Variants in CACNA1H observed in about 807,000 individuals in gnomAD.
The protein encoded by CACNA1H is calcium voltage-gated channel subunit alpha1 H.
Under a neutral mutation model 192.5 loss-of-function variants are expected in CACNA1H, and 149 were observed. The observed-to-expected ratio is 0.77, with a 90% CI of 0.68 to 0.89. The LOEUF is 0.89. Ranked by LOEUF, CACNA1H falls within the 40% of genes least tolerant of loss-of-function variation. CACNA1H has a pLI of 0.00. For synonymous variants in CACNA1H, 2,202 were observed against 1,475.2 expected, an observed-to-expected ratio of 1.49 and a Z score of -11.29; for missense variants, 4,257 against 3,423.5, an observed-to-expected ratio of 1.24 and a Z score of -6.08.
chr16:1,215,512 C>T lies in CACNA1H; in HGVS notation c.5174-11C>T. ...CGCCCAGCCCTGCTGACGCTCAGCT[C>T]CCGGCCCTAGTGCTGAAGCTGCTGA... On this transcript the variant is annotated splice_polypyrimidine_tract_variant and intron_variant, in intron 29 of 34. Coordinates refer to ENST00000348261, the MANE Select transcript of CACNA1H (RefSeq NM_021098.3). 3 of 1,610,414 alleles carry T rather than the reference C, an allele frequency of 1.9e-6. No individual in the cohort carries two copies. Among genetic ancestry groups the T allele is most frequent in the East Asian group, 2.2e-5 (1 of 44,818 alleles).
At chr16:1,209,004 C>T (rs1368271582) in intron 16 of CACNA1H, 28 bp from the exon 17 acceptor site, 3 of 1,471,454 alleles carry the variant, frequency 2.0e-6, no homozygotes, top group South Asian at 2.9e-5. Flanking sequence ...GTGATGCCAC[C>T]AGGTCACTGA....
At chr16:1,209,582 G>C (rs946628968) in intron 17 of CACNA1H, 170 bp downstream of exon 17, 4 of 781,064 alleles carry the variant, frequency 5.1e-6, no homozygotes, top group Non-Finnish European at 8.0e-6. Context: ...CAGGGATTCA[G>C]CCACAGATGA....
At chr16:1,214,442 C>G (rs894535395) in intron 27 of CACNA1H, among the ~76,000 whole-genome samples, 12 of 152,172 alleles carry the variant, frequency 7.9e-5, no homozygotes, top group African/African-American at 2.9e-4. Context: ...AGGCCAGGAG[C>G]CTGGGCTGGG....
intron 2 of CACNA1H, among the ~76,000 whole-genome samples, chr16:1,181,167 G>A (rs1229710979): frequency 6.6e-6 from 1 of 152,244 alleles, no homozygotes; most frequent in Non-Finnish European, 1.5e-5. Context: ...GTCCCCTCCT[G>A]GCTGGGTTTC....
chr16:1,175,467 G>C (rs1051935201), intron 2 of CACNA1H, among the ~76,000 whole-genome samples: 1 of 152,106 alleles, frequency 6.6e-6, no homozygotes, highest in East Asian at 1.9e-4. Flanking sequence ...CGCTCCTGCT[G>C]GGCCCTGGCC....
Position 1,200,779 on chromosome 16 carries a change from A to T in CACNA1H, c.1183A>T (p.Asn395Tyr). 1 of 1,553,450 alleles carries T rather than the reference A, an allele frequency of 6.4e-7. No individual in the cohort carries two copies. The highest frequency in any genetic ancestry group is 8.7e-7 in the Non-Finnish European group (1 of 1,148,260). The change falls in exon 8 of 35, where the codon AAC (asparagine) becomes TAC (tyrosine). Residue 395 changes from asparagine (N) to tyrosine (Y), a missense_variant. Asn to Tyr is a moderately radical substitution (Grantham distance 143). Transcript: ENST00000348261. ...YYVMDAHSFY[N>Y]FIYFILLIIV... ...CGTCATGGACGCCCACTCATTCTAC[A>T]ACTTCATCTATTTCATCCTGCTCAT...
In CACNA1H at chr16:1,200,452, C is replaced by A; in HGVS notation, c.1000C>A (p.Arg334Ser). 9 of 1,611,570 alleles carry A rather than the reference C, an allele frequency of 5.6e-6. No homozygotes were observed. The highest frequency in any genetic ancestry group is 7.6e-6 in the Non-Finnish European group (9 of 1,179,614). ...GCAGGCCGAGGGGGTGGGCGCTGCA[C>A]GCAACGCCTGCATCAACTGGAACCA... ...QPQAEGVGAA[R>S]NACINWNQYY... Residue 334 changes from arginine to serine, a missense_variant, in exon 7 of 35, where the codon CGC becomes AGC. Arg to Ser is a moderately radical substitution (Grantham distance 110). Transcript: ENST00000348261.
chr16:1,188,290 G>A (rs773363511), intron 2 of CACNA1H, among the ~76,000 whole-genome samples: 8 of 152,162 alleles, frequency 5.3e-5, no homozygotes, highest in Non-Finnish European at 1.2e-4. Context: ...ACCACCCTTT[G>A]GGCCACGCTG....
chr16:1,208,569 TCCC>T (rs1263000677), intron 16 of CACNA1H, among the ~76,000 whole-genome samples: 1 of 152,154 alleles, frequency 6.6e-6, no homozygotes, highest in Non-Finnish European at 1.5e-5. Flanking sequence ...GCAGCCCGAT[TCCC>T]TTTACGGCCA....
Position 1,210,961 on chromosome 16 carries a change from C to A in CACNA1H, c.4213C>A (p.Arg1405=). ...CGTGCTGCGTCTGCTGCGGACCCTG[C>A]GGCCTCTGAGGTGGGGGGCTCCCCG... The part of the protein sequence containing the change: ...LRVLRLLRTL[R]PLRVISRAPG... The change falls in exon 21 of 35, where the codon CGG becomes AGG. Residue 1405 remains arginine, a synonymous_variant. Transcript: ENST00000348261. 6.3e-7 allele frequency: 1 copy of A among 1,596,154 alleles called. No individual in the cohort carries two copies.
At chr16:1,190,794 G>A (rs896345950) in intron 2 of CACNA1H, among the ~76,000 whole-genome samples, 1 of 152,236 alleles carries the variant, frequency 6.6e-6, no homozygotes, top group African/African-American at 2.4e-5. Flanking sequence ...GAGGATCTAC[G>A]ATGGGTAGGG....
At chr16:1,169,382 C>T (rs574469762) in intron 2 of CACNA1H, among the ~76,000 whole-genome samples, 4 of 152,324 alleles carry the variant, frequency 2.6e-5, no homozygotes, top group African/African-American at 9.6e-5. Context: ...ACACAGGTGT[C>T]GTGGACTGGG....
intron 2 of CACNA1H, among the ~76,000 whole-genome samples, chr16:1,188,223 C>G (rs1966259418): frequency 6.6e-6 from 1 of 152,174 alleles, no homozygotes; most frequent in Admixed American, 6.5e-5. Context: ...CTGGGCGGTC[C>G]TGGGAGCTGA....
At position 1,167,812 on chromosome 16, in the gene CACNA1H, TAGAA is replaced by T. The variant is rs1176649990; in HGVS notation, c.299+13779_299+13782del. On this transcript the variant is annotated intron_variant, in intron 2 of 34. Coordinates refer to ENST00000348261, the MANE Select transcript of CACNA1H (RefSeq NM_021098.3). The surrounding 1 kb of genome is among the most constrained non-coding windows in gnomAD (Gnocchi z 4.2). ...TGGAGCTGTGGCGCTGGTGTGTGCT[TAGAA>T]AGTGCACCTGCGAGGTTGGGGCGTG... Among the ~76,000 whole-genome samples the T allele has an allele frequency of 1.3e-5, 2 of 152,012 alleles. No individual in the cohort carries two copies. Among genetic ancestry groups the T allele is most frequent in the Non-Finnish European group, 2.9e-5 (2 of 67,992 alleles).
intron 3 of CACNA1H, 127 bp from the exon 4 acceptor site, chr16:1,195,305 C>A (rs2141196160): frequency 3.0e-6 from 3 of 1,010,998 alleles, no homozygotes; most frequent in Admixed American, 3.4e-5. Flanking sequence ...TCCTGGGGCT[C>A]AGGGCGGGGC....
chr16:1,198,388 A>G lies in CACNA1H; in HGVS notation c.644-227A>G, dbSNP rs1967253141. 2.0e-5 allele frequency among the ~76,000 whole-genome samples: 3 copies of G among 152,284 alleles called. No homozygotes were observed. The South Asian group carries it at 6.2e-4, about 32-fold the overall frequency. ...CCTGGCGCCCCGCTGGATGCACGTC[A>G]GACCCCAGGGTGTCAGTGTCCCTGG... On this transcript the variant is annotated intron_variant, in intron 5 of 34. Transcript: ENST00000348261.
At chr16:1,186,826 G>A (rs1290301768) in intron 2 of CACNA1H, among the ~76,000 whole-genome samples, 1 of 152,210 alleles carries the variant, frequency 6.6e-6, no homozygotes, top group Non-Finnish European at 1.5e-5. Context: ...TCTCAGGGCC[G>A]TGACCACCAC....
At chr16:1,215,940 C>T (rs890551120) in intron 30 of CACNA1H, among the ~76,000 whole-genome samples, 2 of 152,032 alleles carry the variant, frequency 1.3e-5, no homozygotes, top group African/African-American at 4.8e-5. Context: ...AGGATGCAGG[C>T]GTCGGCTGCG....
At chr16:1,179,378 C>G (rs1006350752) in intron 2 of CACNA1H, among the ~76,000 whole-genome samples, 1 of 152,146 alleles carries the variant, frequency 6.6e-6, no homozygotes, top group African/African-American at 2.4e-5. Flanking sequence ...ATGGACTCTC[C>G]TGCCCCCGCG....
Sources: gnomAD v4.1 joint callset for allele counts (sites outside exome capture counted in the v4.1 genomes callset) on GRCh38, gnomAD v4.1.1 for gene constraint, Gnocchi (gnomAD v3.1) non-coding constraint, MANE v1.5 for transcripts, NCBI Gene and HGNC (gene_info 2026-07-23, HGNC 2026-07-21) for gene names.